Variants in STT3B observed in about 807,000 individuals in gnomAD.
STT3B encodes STT3 oligosaccharyltransferase complex catalytic subunit B.
STT3B carries 29 observed loss-of-function variants against 96.8 expected under a neutral mutation model. The observed-to-expected ratio is 0.30, with a 90% CI of 0.22 to 0.41. The LOEUF (loss-of-function observed/expected upper bound fraction) is 0.41. Among genes scored for constraint, STT3B ranks in the 10% least tolerant of loss-of-function variants. STT3B has a pLI of 1.00. For synonymous variants in STT3B, 367 were observed against 360.0 expected (o/e 1.02, Z -0.22); for missense variants, 640 against 1,022.3 (o/e 0.63, Z 5.10).
chr3:31,564,236 C>T (rs1192521651), intron 1 of STT3B, among the ~76,000 whole-genome samples: 2 of 152,080 alleles, frequency 1.3e-5, no homozygotes, highest in Non-Finnish European at 2.9e-5. Context: ...TTTGCTCGGG[C>T]GACAGTTGTG....
chr3:31,534,599 C>A (rs1559495719), intron 1 of STT3B, among the ~76,000 whole-genome samples: 1 of 151,922 alleles, frequency 6.6e-6, no homozygotes, highest in South Asian at 2.1e-4. Context: ...AATAAGTGTT[C>A]GGGTGGAGGG....
intron 13 of STT3B, among the ~76,000 whole-genome samples, chr3:31,627,705 T>A (rs2125478361): frequency 6.6e-6 from 1 of 152,328 alleles, no homozygotes; most frequent in Middle Eastern, 3.4e-3. Flanking sequence ...TAAACATTAT[T>A]TTTTTGTATT....
At chr3:31,582,528 C>T (rs1280648898) in intron 3 of STT3B, among the ~76,000 whole-genome samples, 3 of 151,862 alleles carry the variant, frequency 2.0e-5, no homozygotes, top group Non-Finnish European at 2.9e-5. Flanking sequence ...CTCCTGAACT[C>T]GTGATCCACC....
chr3:31,533,837 C>T (rs1315374452), intron 1 of STT3B, among the ~76,000 whole-genome samples: 2 of 152,194 alleles, frequency 1.3e-5, no homozygotes, highest in Non-Finnish European at 2.9e-5. Context: ...CCAGATGTGC[C>T]GGAACCCCGG....
chr3:31,625,372 G>T (rs1433547241), intron 12 of STT3B, among the ~76,000 whole-genome samples: 4 of 152,096 alleles, frequency 2.6e-5, no homozygotes, highest in African/African-American at 9.7e-5. Context: ...TGTTTGGCTT[G>T]TATTTTTCGT....
At chr3:31,568,001 C>A (rs1698045138) in intron 1 of STT3B, among the ~76,000 whole-genome samples, 2 of 151,848 alleles carry the variant, frequency 1.3e-5, no homozygotes. Flanking sequence ...TTTTGCCCCC[C>A]TCTCTACCAC....
At chr3:31,616,611 A>T (rs1180793578) in intron 6 of STT3B, among the ~76,000 whole-genome samples, 1 of 151,816 alleles carries the variant, frequency 6.6e-6, no homozygotes, top group Non-Finnish European at 1.5e-5. Context: ...CACCCCAGAA[A>T]ACCCCCCTAA....
At chr3:31,533,430 C>T in intron 1 of STT3B, 118 bp downstream of exon 1, 1 of 1,241,326 alleles carries the variant, frequency 8.1e-7, no homozygotes, top group Non-Finnish European at 1.0e-6. Flanking sequence ...CCGCTCGCGT[C>T]CTGGCTGAGG....
At chr3:31,588,782 A>T (rs1157437470) in intron 3 of STT3B, among the ~76,000 whole-genome samples, 1 of 151,816 alleles carries the variant, frequency 6.6e-6, no homozygotes, top group African/African-American at 2.4e-5. Context: ...TTCTTTTTCT[A>T]TGTATTGCCT....
chr3:31,594,671 C>T (rs559910960), intron 3 of STT3B, among the ~76,000 whole-genome samples: 8 of 152,184 alleles, frequency 5.3e-5, no homozygotes, highest in East Asian at 3.9e-4. Flanking sequence ...CCACCTGACT[C>T]GGCCTCCCAA....
At chr3:31,566,931 A>C (rs896354196) in intron 1 of STT3B, among the ~76,000 whole-genome samples, 1 of 152,232 alleles carries the variant, frequency 6.6e-6, no homozygotes, top group African/African-American at 2.4e-5. Context: ...TTTTGAAAAC[A>C]TGATTATTAC....
chr3:31,554,978 CCTT>C (rs1293411921), intron 1 of STT3B, among the ~76,000 whole-genome samples: 1 of 152,026 alleles, frequency 6.6e-6, no homozygotes, highest in East Asian at 1.9e-4. Flanking sequence ...CTCTTTTTGA[CCTT>C]CTTGGGTGCA....
chr3:31,580,183 CAAATT>C (rs1698351705), intron 3 of STT3B, 87 bp downstream of exon 3: 1 of 1,329,160 alleles, frequency 7.5e-7, no homozygotes, highest in Admixed American at 2.0e-5. Flanking sequence ...TTGTCTTTTA[CAAATT>C]ATGTAGTTGC....
chr3:31,535,580 C>T (rs934321494), intron 1 of STT3B, among the ~76,000 whole-genome samples: 1 of 151,818 alleles, frequency 6.6e-6, no homozygotes, highest in Non-Finnish European at 1.5e-5. Flanking sequence ...AAAAATTAGC[C>T]GGGAGTGGTG....
intron 8 of STT3B, among the ~76,000 whole-genome samples, chr3:31,618,937 TTATAA>T (rs57201982): frequency 0.031 from 4,692 of 152,092 alleles, 252 homozygotes; most frequent in African/African-American, 0.1. Flanking sequence ...AATTGTAATA[TTATAA>T]TATAACTTGT....
Position 31,619,571 on chromosome 3 carries a change from G to A in STT3B, c.1173-105G>A, listed in dbSNP as rs183623706. On this transcript the variant is annotated intron_variant, in intron 8 of 15. Coordinates refer to ENST00000295770, the MANE Select transcript of STT3B (RefSeq NM_178862.3). ...GGAAGGTATATTTAAATAAGAAGGGGTAGGGAGTAGGTACCATTTCTACAA... is the reference window on the plus strand; with the variant it reads ...GGAAGGTATATTTAAATAAGAAGGGATAGGGAGTAGGTACCATTTCTACAA... 79 of 890,134 alleles carry A rather than the reference G, an allele frequency of 8.9e-5. No individual in the cohort carries two copies. In the African/African-American group the frequency reaches 1.1e-3, roughly 13 times the overall value. 55.1% of individuals were successfully genotyped at this position (890,134 alleles called of 1,614,324 possible).
Position 31,632,669 on chromosome 3 carries a change from GTT to G in STT3B, c.2188-251_2188-250del, listed in dbSNP as rs58688269. Among the ~76,000 whole-genome samples the G allele has an allele frequency of 0.46, 66,290 of 144,298 alleles. 17,691 individuals carry two copies. The highest frequency in any genetic ancestry group is 0.6 in the Non-Finnish European group (39,653 of 66,446). 94.7% of individuals were successfully genotyped at this position (144,298 alleles called of 152,430 possible). A position where few individuals can be genotyped will look rare whatever the true frequency, so the allele number is the denominator to read the frequency against. On this transcript the variant is annotated intron_variant, in intron 14 of 15. Transcript: ENST00000295770. Reference sequence around the variant, plus strand: ...AGATTTCATTTCTATGTTTTGGTGGGTTTTTTTTTTTTTTTTAATGCCTTTAG... The same window carrying G: ...AGATTTCATTTCTATGTTTTGGTGGGTTTTTTTTTTTTTTAATGCCTTTAG...
chr3:31,629,063 G>A (rs976269056), intron 13 of STT3B, among the ~76,000 whole-genome samples: 1 of 152,256 alleles, frequency 6.6e-6, no homozygotes, highest in African/African-American at 2.4e-5. Context: ...CCACAGTCAC[G>A]CCACTGCACT....
intron 10 of STT3B, among the ~76,000 whole-genome samples, chr3:31,623,185 C>A (rs115725872): frequency 1.1e-3 from 165 of 152,122 alleles, no homozygotes; most frequent in African/African-American, 3.7e-3. Flanking sequence ...TTAAGGTAAT[C>A]GTAGTTTTAA....
Sources: gnomAD v4.1 joint callset for allele counts (sites outside exome capture counted in the v4.1 genomes callset) on GRCh38, gnomAD v4.1.1 for gene constraint, MANE v1.5 for transcripts, NCBI Gene and HGNC (gene_info 2026-07-23, HGNC 2026-07-21) for gene names.